Variants in GALNT14 observed in about 807,000 individuals in gnomAD.
The protein encoded by GALNT14 is UDP-GalNAc:polypeptide N-acetylgalactosaminyltransferase 14.
Under a neutral mutation model 77.5 loss-of-function variants are expected in GALNT14, and 60 were observed. The observed-to-expected ratio is 0.77, with a 90% CI of 0.63 to 0.96. The LOEUF is 0.96. Ranked by LOEUF, GALNT14 falls within the 40% of genes least tolerant of loss-of-function variation. GALNT14 has a pLI of 0.00. For missense variants in GALNT14, 710 were observed against 731.0 expected (o/e 0.97, Z 0.33); for synonymous variants, 280 against 281.7 (o/e 0.99, Z 0.06).
At chr2:31,045,608 A>ATGTG (rs1415009146) in intron 1 of GALNT14, among the ~76,000 whole-genome samples, 1 of 151,978 alleles carries the variant, frequency 6.6e-6, no homozygotes, top group Non-Finnish European at 1.5e-5. Flanking sequence ...GATTACAGGC[A>ATGTG]CCCACAACCA....
chr2:31,052,534 A>G (rs1223513713), intron 1 of GALNT14, among the ~76,000 whole-genome samples: 1 of 152,172 alleles, frequency 6.6e-6, no homozygotes, highest in Non-Finnish European at 1.5e-5. Flanking sequence ...ACACCAGAGC[A>G]TCCTTCCTCT....
At chr2:31,101,085 A>C (rs963841748) in intron 1 of GALNT14, among the ~76,000 whole-genome samples, 3 of 152,056 alleles carry the variant, frequency 2.0e-5, no homozygotes, top group Non-Finnish European at 2.9e-5. Flanking sequence ...GTCAGGGACC[A>C]CCAGAATAAC....
chr2:31,122,292 T>C (rs895337526), intron 1 of GALNT14, among the ~76,000 whole-genome samples: 4 of 152,194 alleles, frequency 2.6e-5, no homozygotes, highest in Non-Finnish European at 5.9e-5. Context: ...CCTGGAAGAC[T>C]ACAAGCTCTT....
intron 3 of GALNT14, among the ~76,000 whole-genome samples, chr2:30,962,105 G>A (rs1667729638): frequency 6.6e-6 from 1 of 152,154 alleles, no homozygotes; most frequent in Admixed American, 6.5e-5. Flanking sequence ...TCTGCTGTCT[G>A]CCAGGGCTGG....
intron 1 of GALNT14, among the ~76,000 whole-genome samples, chr2:31,022,739 A>G (rs1355570287): frequency 6.6e-6 from 1 of 152,236 alleles, no homozygotes; most frequent in African/African-American, 2.4e-5. Flanking sequence ...AGTACTCCCT[A>G]ATATGTAATT....
intron 5 of GALNT14, 42 bp downstream of exon 5, chr2:30,955,870 G>GA: frequency 6.2e-7 from 1 of 1,612,176 alleles, no homozygotes; most frequent in Non-Finnish European, 8.5e-7. Context: ...TCGACCCCCC[G>GA]ACACTCACAC....
intron 3 of GALNT14, among the ~76,000 whole-genome samples, chr2:30,959,121 T>G (rs2148327107): frequency 6.6e-6 from 1 of 152,248 alleles, no homozygotes; most frequent in Admixed American, 6.5e-5. Flanking sequence ...CTGCCGCTGC[T>G]TGAAATGCCC....
At position 31,111,813 on chromosome 2, in the gene GALNT14, AT is replaced by A. The variant is rs200059928; in HGVS notation, c.129+26144del. 3.3e-5 allele frequency among the ~76,000 whole-genome samples: 5 copies of A among 152,246 alleles called. No homozygotes were observed. In the East Asian group the frequency reaches 7.7e-4, roughly 24 times the overall value. On this transcript the variant is annotated intron_variant, in intron 1 of 14. Coordinates refer to ENST00000349752, the MANE Select transcript of GALNT14 (RefSeq NM_024572.4). ...AGTCATATTTTTCTATGCAAGATGAATTTCAATTTGATCCTTTCCTCCTTTT... is the reference window on the plus strand; with the variant it reads ...AGTCATATTTTTCTATGCAAGATGAATTCAATTTGATCCTTTCCTCCTTTT...
In GALNT14 at chr2:30,929,473, G is replaced by A; in HGVS notation, c.1073C>T (p.Thr358Ile). The A allele has an allele frequency of 6.2e-7, 1 of 1,613,958 alleles. No homozygotes were observed. The highest frequency in any genetic ancestry group is 8.5e-7 in the Non-Finnish European group (1 of 1,179,880). Residue 358 changes from threonine (T) to isoleucine (I), a missense_variant, in exon 11 of 15, where the codon ACA becomes ATA. Coordinates refer to ENST00000349752, the MANE Select transcript of GALNT14 (RefSeq NM_024572.4). ...ANTYIKNTKR[T>I]AEVWMDEYKQ... ...GTATTCATCCATCCACACTTCAGCTGTCCGCTTGGTGTTCCTGGGAAAACA... is the reference window on the plus strand; with the variant it reads ...GTATTCATCCATCCACACTTCAGCTATCCGCTTGGTGTTCCTGGGAAAACA...
intron 1 of GALNT14, among the ~76,000 whole-genome samples, chr2:31,068,480 G>C (rs988210096): frequency 7.1e-6 from 1 of 140,248 alleles, no homozygotes; most frequent in Non-Finnish European, 1.5e-5. Flanking sequence ...CTCTACTCCA[G>C]CTGGGTGACA....
At chr2:31,052,010 G>A (rs1005806455) in intron 1 of GALNT14, among the ~76,000 whole-genome samples, 1 of 152,074 alleles carries the variant, frequency 6.6e-6, no homozygotes, top group Non-Finnish European at 1.5e-5. Flanking sequence ...CATTTCCTCA[G>A]TGGTGACCAA....
At position 30,924,209 on chromosome 2, in the gene GALNT14, G is replaced by A; in HGVS notation, c.1290C>T (p.Cys430=). The A allele has an allele frequency of 6.2e-7, 1 of 1,614,170 alleles. No homozygotes were observed. The highest frequency in any genetic ancestry group is 1.3e-5 in the African/African-American group (1 of 75,040). Residue 430 remains cysteine, a synonymous_variant, in exon 13 of 15, where the codon TGC becomes TGT. Transcript: ENST00000349752. ...QKGNIRQRQK[C]LESQRQNNQE... ...GGTTGTTCTGCCTTTGAGATTCCAGGCACTTCTGTCTCTGTCGGATATTGC... is the reference window on the plus strand; with the variant it reads ...GGTTGTTCTGCCTTTGAGATTCCAGACACTTCTGTCTCTGTCGGATATTGC...
intron 1 of GALNT14, among the ~76,000 whole-genome samples, chr2:31,107,836 T>C (rs1000842026): frequency 1.3e-5 from 2 of 152,138 alleles, no homozygotes; most frequent in Non-Finnish European, 1.5e-5. Context: ...GTGCTGATGA[T>C]TTCACCTCGG....
intron 13 of GALNT14, among the ~76,000 whole-genome samples, chr2:30,914,147 GATTA>G (rs1016813634): frequency 6.6e-6 from 1 of 152,158 alleles, no homozygotes; most frequent in Non-Finnish European, 1.5e-5. Context: ...TACACAGATT[GATTA>G]ATTTTCATAA....
chr2:30,958,783 C>G (rs1667518194), intron 3 of GALNT14, among the ~76,000 whole-genome samples: 1 of 152,184 alleles, frequency 6.6e-6, no homozygotes, highest in Non-Finnish European at 1.5e-5. Flanking sequence ...ACTCAAATCA[C>G]TTTCACTTCT....
intron 1 of GALNT14, among the ~76,000 whole-genome samples, chr2:31,027,267 A>G (rs1672116919): frequency 6.6e-6 from 1 of 152,182 alleles, no homozygotes; most frequent in Admixed American, 6.5e-5. Context: ...CCTCACATCT[A>G]TTAAATACAA....
chr2:30,924,060 A>G, intron 13 of GALNT14, 59 bp downstream of exon 13: 2 of 1,599,190 alleles, frequency 1.3e-6, no homozygotes, highest in Non-Finnish European at 1.7e-6. Flanking sequence ...AGGCAGAGTC[A>G]TCTGGCTGCC....
intron 11 of GALNT14, 77 bp downstream of exon 11, chr2:30,929,318 C>G: frequency 9.0e-7 from 1 of 1,113,800 alleles, no homozygotes; most frequent in Non-Finnish European, 1.3e-6. Context: ...ACTGGCCTAT[C>G]GGCACCCATT....
At chr2:31,134,218 T>C (rs1405547336) in intron 1 of GALNT14, among the ~76,000 whole-genome samples, 4 of 152,224 alleles carry the variant, frequency 2.6e-5, no homozygotes, top group Admixed American at 2.0e-4. Context: ...GAGCCCTTAA[T>C]ACAGCTCTCT....
Sources: gnomAD v4.1 joint callset for allele counts (sites outside exome capture counted in the v4.1 genomes callset) on GRCh38, gnomAD v4.1.1 for gene constraint, MANE v1.5 for transcripts, NCBI Gene and HGNC (gene_info 2026-07-23, HGNC 2026-07-21) for gene names.